NRXN3: variants seen among roughly 807,000 people sequenced by gnomAD.
NRXN3 encodes neurexin 3.
NRXN3 carries 32 observed loss-of-function variants against 137.6 expected under a neutral mutation model. The observed-to-expected ratio is 0.23, with a 90% CI of 0.18 to 0.31. The LOEUF (loss-of-function observed/expected upper bound fraction) is 0.31, where lower values mean the gene tolerates loss of function less well. Among genes scored for constraint, NRXN3 ranks in the 10% least tolerant of loss-of-function variants. The pLI is 1.00. For synonymous variants in NRXN3, 798 were observed against 784.5 expected, an observed-to-expected ratio of 1.02 and a Z score of -0.29; for missense variants, 1,574 against 2,062.5, an observed-to-expected ratio of 0.76 and a Z score of 4.59.
At chr14:79,744,520 C>CTAGT (rs2098973071) in intron 19 of NRXN3, among the ~76,000 whole-genome samples, 1 of 152,132 alleles carries the variant, frequency 6.6e-6, no homozygotes, top group African/African-American at 2.4e-5. Flanking sequence ...GCCTCAAAAC[C>CTAGT]TAGTTATTAT....
intron 8 of NRXN3, 105 bp downstream of exon 8, chr14:78,715,244 C>T (rs1280933248): frequency 7.1e-7 from 1 of 1,406,654 alleles, no homozygotes; most frequent in Non-Finnish European, 9.5e-7. Flanking sequence ...CACTTTCTTT[C>T]TTCCAAGAGT....
chr14:78,441,129 G>A (rs1308289671), intron 4 of NRXN3, among the ~76,000 whole-genome samples: 5 of 152,106 alleles, frequency 3.3e-5, no homozygotes, highest in African/African-American at 1.2e-4. Flanking sequence ...AGGAGTAGTT[G>A]ATGGCTAGAT....
intron 19 of NRXN3, among the ~76,000 whole-genome samples, chr14:79,804,383 T>C (rs2099195055): frequency 6.6e-6 from 1 of 152,124 alleles, no homozygotes; most frequent in Admixed American, 6.6e-5. Flanking sequence ...ATAGATTCCC[T>C]GGGACTGGGG....
chr14:79,416,972 T>C (rs2095506010), intron 15 of NRXN3, among the ~76,000 whole-genome samples: 1 of 152,178 alleles, frequency 6.6e-6, no homozygotes, highest in African/African-American at 2.4e-5. Context: ...ATTTCTATAA[T>C]ATTTCCTGCT....
chr14:78,483,620 A>G (rs2095508472), intron 4 of NRXN3, among the ~76,000 whole-genome samples: 1 of 152,262 alleles, frequency 6.6e-6, no homozygotes, highest in Non-Finnish European at 1.5e-5. Context: ...TGCAGTGGAC[A>G]TGAGAGACAA....
At chr14:78,954,685 T>A (rs2099393296) in intron 10 of NRXN3, among the ~76,000 whole-genome samples, 1 of 151,908 alleles carries the variant, frequency 6.6e-6, no homozygotes, top group Non-Finnish European at 1.5e-5. Context: ...CAGGATAGTC[T>A]CGATCTCCTG....
chr14:78,866,834 G>A (rs1452394423), intron 10 of NRXN3, among the ~76,000 whole-genome samples: 1 of 77,884 alleles, frequency 1.3e-5, no homozygotes, highest in Non-Finnish European at 2.3e-5. Context: ...GTCTTGCTTT[G>A]TTGCCCAGGC....
Position 78,784,113 on chromosome 14 carries a change from G to A in NRXN3, c.2045-19507G>A, listed in dbSNP as rs116898400. On this transcript the variant is annotated intron_variant, in intron 8 of 20. Coordinates refer to ENST00000335750, the MANE Select transcript of NRXN3 (RefSeq NM_001330195.2). ...CAAACAAAATTAATTAGATATTTTC[G>A]GTGTTGTCATGAAAAATAAATGAGC... Among the ~76,000 whole-genome samples the A allele has an allele frequency of 2.0e-3, 310 of 151,682 alleles. 7 individuals carry two copies. The East Asian group carries it at 0.035, about 17-fold the overall frequency.
intron 15 of NRXN3, among the ~76,000 whole-genome samples, chr14:79,417,068 C>T (rs966578804): frequency 2.0e-5 from 3 of 152,042 alleles, no homozygotes; most frequent in Non-Finnish European, 4.4e-5. Context: ...TATGATAGTT[C>T]TACTTACTAG....
At chr14:78,592,123 A>G (rs763546472) in intron 4 of NRXN3, among the ~76,000 whole-genome samples, 5 of 152,234 alleles carry the variant, frequency 3.3e-5, no homozygotes, top group Non-Finnish European at 5.9e-5. Flanking sequence ...GTAATAAATG[A>G]AATTTAAAAG....
At chr14:78,525,305 G>A (rs1443853924) in intron 4 of NRXN3, among the ~76,000 whole-genome samples, 1 of 152,210 alleles carries the variant, frequency 6.6e-6, no homozygotes, top group Non-Finnish European at 1.5e-5. Flanking sequence ...TGGGTCAGGG[G>A]ACTGTTGTGC....
chr14:79,495,647 A>C (rs1031336393), intron 16 of NRXN3, among the ~76,000 whole-genome samples: 1 of 152,214 alleles, frequency 6.6e-6, no homozygotes, highest in African/African-American at 2.4e-5. Context: ...CCTGTGATGT[A>C]GGACTGATTA....
chr14:78,582,232 C>T (rs1394664014), intron 4 of NRXN3, among the ~76,000 whole-genome samples: 1 of 152,160 alleles, frequency 6.6e-6, no homozygotes, highest in African/African-American at 2.4e-5. Context: ...AGTCAGCTTG[C>T]CTTGCATTTT....
chr14:79,206,717 G>T (rs1221117483), intron 15 of NRXN3, among the ~76,000 whole-genome samples: 1 of 152,068 alleles, frequency 6.6e-6, no homozygotes, highest in South Asian at 2.1e-4. Context: ...GGAGTGTTTG[G>T]TGTCTCTTTT....
At chr14:79,777,274 TTTGAG>T (rs1603483735) in intron 19 of NRXN3, among the ~76,000 whole-genome samples, 1 of 152,182 alleles carries the variant, frequency 6.6e-6, no homozygotes, top group Admixed American at 6.5e-5. Flanking sequence ...CTGATTTAAA[TTTGAG>T]TTGTCTTTGC....
intron 4 of NRXN3, among the ~76,000 whole-genome samples, chr14:78,489,314 GA>G (rs2095621575): frequency 6.6e-6 from 1 of 152,192 alleles, no homozygotes; most frequent in Non-Finnish European, 1.5e-5. Flanking sequence ...GCCTCTGTGA[GA>G]TATTATTGAA....
chr14:79,172,194 A>AG lies in NRXN3; in HGVS notation c.3262+184053_3262+184054insG, dbSNP rs1403493777. Among the ~76,000 whole-genome samples, 13 of 151,618 alleles carry AG rather than the reference A, an allele frequency of 8.6e-5. No homozygotes were observed. In the East Asian group the frequency reaches 1.5e-3, roughly 18 times the overall value. On this transcript the variant is annotated intron_variant, in intron 15 of 20. Transcript: ENST00000335750. ...TAAAGAAACAATAACTTGCTAGGGA[A>AG]AAAAAAAACAATTAACTGTGAAGCA...
intron 16 of NRXN3, among the ~76,000 whole-genome samples, chr14:79,507,320 C>G (rs566208882): frequency 3.9e-4 from 60 of 152,278 alleles, no homozygotes; most frequent in African/African-American, 1.4e-3. Flanking sequence ...TACTATTTGG[C>G]ATGACTTAAA....
chr14:78,221,423 G>C (rs980134840), intron 1 of NRXN3, among the ~76,000 whole-genome samples: 20 of 152,198 alleles, frequency 1.3e-4, no homozygotes, highest in Non-Finnish European at 1.0e-4. Context: ...AGGCCATGAA[G>C]CCAGGGCATT....
Sources: allele counts gnomAD v4.1 joint callset (sites outside exome capture counted in the v4.1 genomes callset), GRCh38; gene constraint gnomAD v4.1.1; transcripts MANE v1.5; gene names NCBI Gene and HGNC (gene_info 2026-07-23, HGNC 2026-07-21).